The following CSMD1 variants were observed in gnomAD, a reference collection of about 807,000 sequenced individuals.
CSMD1 encodes the protein CUB and sushi domain-containing protein 1.
Under a neutral mutation model 417.5 loss-of-function variants are expected in CSMD1, and 213 were observed. The ratio of observed to expected loss-of-function variants is 0.51; its 90% CI spans 0.46 to 0.57. CSMD1 has a LOEUF of 0.57. Among genes scored for constraint, CSMD1 ranks in the 20% least tolerant of loss-of-function variants. The pLI, the probability that CSMD1 is intolerant of heterozygous loss-of-function variation, is 0.00. For synonymous variants in CSMD1, 2,862 were observed against 1,736.8 expected (o/e 1.65, Z -16.11); for missense variants, 6,923 against 4,529.7 (o/e 1.53, Z -15.17).
intron 1 of CSMD1, among the ~76,000 whole-genome samples, chr8:4,886,241 C>T (rs1323452066): frequency 4.6e-5 from 7 of 152,134 alleles, no homozygotes; most frequent in South Asian, 4.1e-4. Flanking sequence ...ACCACTGCCT[C>T]GGCCTCTCAA....
chr8:4,077,495 A>C (rs1181370908), intron 3 of CSMD1, among the ~76,000 whole-genome samples: 32 of 151,894 alleles, frequency 2.1e-4, no homozygotes, highest in Admixed American at 2.1e-3. Context: ...ACCTCAGTTT[A>C]CTTGCATTGT....
intron 48 of CSMD1, among the ~76,000 whole-genome samples, chr8:3,089,610 C>G (rs1487596187): frequency 6.6e-6 from 1 of 152,148 alleles, no homozygotes; most frequent in Non-Finnish European, 1.5e-5. Flanking sequence ...TTTAGGGACA[C>G]TTTCATTTAA....
intron 36 of CSMD1, among the ~76,000 whole-genome samples, chr8:3,184,982 C>T (rs1821652810): frequency 6.6e-6 from 1 of 152,190 alleles, no homozygotes; most frequent in African/African-American, 2.4e-5. Flanking sequence ...CTGTTTTGTC[C>T]TGGTTTGTCT....
chr8:3,313,904 A>T (rs1399841540), intron 23 of CSMD1, among the ~76,000 whole-genome samples: 1 of 152,216 alleles, frequency 6.6e-6, no homozygotes, highest in Non-Finnish European at 1.5e-5. Flanking sequence ...GATTAAGAAA[A>T]TGTGGCACAT....
chr8:4,446,898 G>A (rs66769827), intron 2 of CSMD1, among the ~76,000 whole-genome samples: 4 of 151,192 alleles, frequency 2.6e-5, no homozygotes, highest in African/African-American at 9.7e-5. Flanking sequence ...TGGGATTACA[G>A]GCGTGAGCCA....
At chr8:3,477,798 C>T (rs7844960) in intron 11 of CSMD1, among the ~76,000 whole-genome samples, 2,475 of 151,964 alleles carry the variant, frequency 0.016, 71 homozygotes, top group African/African-American at 0.054. Flanking sequence ...GTGAGTTACA[C>T]GTTCTCCACC....
chr8:3,310,501 C>G (rs1805245865), intron 23 of CSMD1, among the ~76,000 whole-genome samples: 1 of 152,150 alleles, frequency 6.6e-6, no homozygotes, highest in East Asian at 1.9e-4. Context: ...CTATTAATAA[C>G]AAACAATCTT....
chr8:4,800,674 G>A (rs183158009), intron 1 of CSMD1, among the ~76,000 whole-genome samples: 1 of 152,134 alleles, frequency 6.6e-6, no homozygotes, highest in East Asian at 1.9e-4. Flanking sequence ...GAGTTGTCCA[G>A]GTCAGCTACG....
intron 1 of CSMD1, among the ~76,000 whole-genome samples, chr8:4,904,766 G>A (rs898682215): frequency 1.3e-5 from 2 of 152,024 alleles, no homozygotes; most frequent in African/African-American, 4.8e-5. Context: ...CCTTTAATAT[G>A]TAAAAACTTC....
At chr8:4,182,115 T>A (rs1437538255) in intron 3 of CSMD1, among the ~76,000 whole-genome samples, 3 of 151,930 alleles carry the variant, frequency 2.0e-5, no homozygotes, top group South Asian at 2.1e-4. Flanking sequence ...TGCTAAAACT[T>A]AAACACACCA....
intron 3 of CSMD1, among the ~76,000 whole-genome samples, chr8:4,275,950 T>A (rs1232929886): frequency 6.6e-6 from 1 of 152,122 alleles, no homozygotes; most frequent in East Asian, 1.9e-4. Context: ...AAACCATGAA[T>A]AGTTAAAAAG....
At chr8:4,837,617 C>T (rs958582000) in intron 1 of CSMD1, among the ~76,000 whole-genome samples, 2 of 151,816 alleles carry the variant, frequency 1.3e-5, no homozygotes, top group Non-Finnish European at 2.9e-5. Context: ...CTGGGAAGGA[C>T]AGTAGGGAGT....
intron 7 of CSMD1, among the ~76,000 whole-genome samples, chr8:3,672,194 G>C (rs1156965172): frequency 6.6e-6 from 1 of 152,090 alleles, no homozygotes; most frequent in Non-Finnish European, 1.5e-5. Flanking sequence ...TAAGTTTGAT[G>C]AAATTGACTG....
chr8:4,137,172 C>G (rs915960084), intron 3 of CSMD1, among the ~76,000 whole-genome samples: 1 of 152,182 alleles, frequency 6.6e-6, no homozygotes, highest in Admixed American at 6.5e-5. Flanking sequence ...TCCATTTCCT[C>G]CTACCTAATA....
At chr8:4,761,140 T>A (rs1379325) in intron 1 of CSMD1, among the ~76,000 whole-genome samples, 30,841 of 151,768 alleles carry the variant, frequency 0.2, 3,653 homozygotes, top group African/African-American at 0.33. Flanking sequence ...CTTCTACACG[T>A]AAAGGAAATG....
chr8:4,994,296 C>CT (rs1563951954), intron 1 of CSMD1, 36 bp downstream of exon 1: 3 of 1,595,470 alleles, frequency 1.9e-6, no homozygotes, highest in Non-Finnish European at 2.6e-6. Flanking sequence ...TCCGAGGGCT[C>CT]TACCGCCTCC....
intron 5 of CSMD1, among the ~76,000 whole-genome samples, chr8:3,908,030 C>A (rs969629107): frequency 2.0e-5 from 3 of 152,068 alleles, no homozygotes; most frequent in Non-Finnish European, 2.9e-5. Context: ...CAGGAGGACT[C>A]CATAGGTATT....
intron 1 of CSMD1, among the ~76,000 whole-genome samples, chr8:4,929,181 C>A (rs184399489): frequency 9.9e-5 from 15 of 152,232 alleles, no homozygotes; most frequent in Non-Finnish European, 1.6e-4. Context: ...GAAGCTCCTG[C>A]AAAGGGAACA....
intron 1 of CSMD1, among the ~76,000 whole-genome samples, chr8:4,727,808 T>C (rs1226907341): frequency 6.6e-6 from 1 of 151,348 alleles, no homozygotes; most frequent in African/African-American, 2.4e-5. Flanking sequence ...ATATGTTTGG[T>C]ACATGTATAT....
Sources: gnomAD v4.1 joint callset for allele counts (sites outside exome capture counted in the v4.1 genomes callset) on GRCh38, gnomAD v4.1.1 for gene constraint, MANE v1.5 for transcripts, NCBI Gene and HGNC (gene_info 2026-07-23, HGNC 2026-07-21) for gene names.